The following RAB2A variants were observed in gnomAD, a reference collection of about 807,000 sequenced individuals.
RAB2A encodes RAB2A, member RAS oncogene family, also known as ras-related protein Rab-2A.
A neutral mutation model predicts 32.5 loss-of-function variants in RAB2A; 7 were observed. The observed-to-expected ratio is 0.22, with a 90% confidence interval of 0.12 to 0.40. The LOEUF is 0.40. RAB2A is among the 10% of genes least tolerant of loss of function. RAB2A has a pLI of 1.00. For missense variants in RAB2A, 108 were observed against 260.7 expected (o/e 0.41, Z 4.03); for synonymous variants, 79 against 85.2 (o/e 0.93, Z 0.40).
chr8:60,603,864 A>G (rs1475993614), intron 6 of RAB2A, among the ~76,000 whole-genome samples: 1 of 152,210 alleles, frequency 6.6e-6, no homozygotes, highest in African/African-American at 2.4e-5. Flanking sequence ...CTATTTAAAA[A>G]GACAGAAAGA....
intron 1 of RAB2A, among the ~76,000 whole-genome samples, chr8:60,549,629 G>A (rs1199586681): frequency 6.6e-6 from 1 of 152,086 alleles, no homozygotes; most frequent in Non-Finnish European, 1.5e-5. Flanking sequence ...GATGTGCACA[G>A]GCCTTGTTCT....
At chr8:60,603,572 A>G (rs1424197359) in intron 6 of RAB2A, among the ~76,000 whole-genome samples, 1 of 152,260 alleles carries the variant, frequency 6.6e-6, no homozygotes, top group Non-Finnish European at 1.5e-5. Flanking sequence ...ACACAGAATT[A>G]TCTCGTCCAA....
At chr8:60,547,197 G>T (rs1053070607) in intron 1 of RAB2A, among the ~76,000 whole-genome samples, 1 of 152,016 alleles carries the variant, frequency 6.6e-6, no homozygotes, top group African/African-American at 2.4e-5. Flanking sequence ...ATGTTTCAGA[G>T]AACACAGGGT....
intron 1 of RAB2A, among the ~76,000 whole-genome samples, chr8:60,527,439 A>G (rs967119325): frequency 3.9e-5 from 6 of 152,196 alleles, no homozygotes; most frequent in Non-Finnish European, 7.3e-5. Context: ...GAAAATTACA[A>G]TCATGGCAGA....
At chr8:60,597,385 T>C (rs534723984) in intron 6 of RAB2A, among the ~76,000 whole-genome samples, 131 of 151,012 alleles carry the variant, frequency 8.7e-4, no homozygotes, top group African/African-American at 3.0e-3. Flanking sequence ...TAAGTGGGAG[T>C]TGAATAATGA....
Position 60,596,165 on chromosome 8 carries a change from T to C in RAB2A, c.474+4196T>C, listed in dbSNP as rs139712155. 4.9e-3 allele frequency among the ~76,000 whole-genome samples: 750 copies of C among 152,320 alleles called. 7 individuals carry two copies. Among genetic ancestry groups the C allele is most frequent in the African/African-American group, 0.017 (697 of 41,588 alleles). ...AATTAACTCAAGATGGATTAGAGAT[T>C]TAAACATAAGACCTAAAACCATAAA... On this transcript the variant is annotated intron_variant, in intron 6 of 7. Coordinates refer to ENST00000262646, the MANE Select transcript of RAB2A (RefSeq NM_002865.3).
At chr8:60,602,723 C>T (rs1804154609) in intron 6 of RAB2A, among the ~76,000 whole-genome samples, 1 of 152,158 alleles carries the variant, frequency 6.6e-6, no homozygotes, top group Non-Finnish European at 1.5e-5. Flanking sequence ...GCATGCATGG[C>T]CCATTGATTC....
chr8:60,566,409 A>G (rs971094208), intron 2 of RAB2A, among the ~76,000 whole-genome samples: 3 of 152,046 alleles, frequency 2.0e-5, no homozygotes, highest in African/African-American at 7.2e-5. Context: ...TACTTGTTAT[A>G]TATCTTTGTC....
intron 1 of RAB2A, among the ~76,000 whole-genome samples, chr8:60,556,328 A>G (rs1244833849): frequency 6.6e-6 from 1 of 152,182 alleles, no homozygotes; most frequent in Non-Finnish European, 1.5e-5. Flanking sequence ...AATTTCTTGT[A>G]TATTTTCAAA....
At chr8:60,568,281 C>CT (rs1168088961) in intron 2 of RAB2A, among the ~76,000 whole-genome samples, 7 of 152,242 alleles carry the variant, frequency 4.6e-5, no homozygotes, top group African/African-American at 1.4e-4. Context: ...ATGCCCCAGC[C>CT]TTACCTAGGT....
chr8:60,558,320 G>T (rs559880905), intron 1 of RAB2A: 6 of 444,830 alleles, frequency 1.3e-5, no homozygotes, highest in Admixed American at 7.9e-5. Flanking sequence ...ATTCATGACC[G>T]TAACGGGGTC....
At chr8:60,616,102 A>G (rs1804443337) in intron 6 of RAB2A, among the ~76,000 whole-genome samples, 2 of 152,300 alleles carry the variant, frequency 1.3e-5, no homozygotes, top group Non-Finnish European at 2.9e-5. Flanking sequence ...TGCCTTTCAG[A>G]TAAAAAAATA....
intron 6 of RAB2A, among the ~76,000 whole-genome samples, chr8:60,612,824 C>T (rs929030942): frequency 6.6e-6 from 1 of 152,150 alleles, no homozygotes; most frequent in African/African-American, 2.4e-5. Context: ...ACTGGTGATG[C>T]TATAGAAAGA....
intron 6 of RAB2A, among the ~76,000 whole-genome samples, chr8:60,594,316 A>T (rs780681501): frequency 3.3e-5 from 5 of 152,200 alleles, no homozygotes; most frequent in Non-Finnish European, 7.3e-5. Context: ...CCACATGATG[A>T]CGAACCTCTG....
intron 1 of RAB2A, among the ~76,000 whole-genome samples, chr8:60,519,347 T>G (rs1807265454): frequency 6.7e-6 from 1 of 148,562 alleles, no homozygotes; most frequent in Non-Finnish European, 1.5e-5. Context: ...CCCACCTTGC[T>G]TCTGCCATTG....
intron 6 of RAB2A, among the ~76,000 whole-genome samples, chr8:60,610,479 G>A (rs1335587804): frequency 1.3e-5 from 2 of 152,180 alleles, no homozygotes; most frequent in African/African-American, 4.8e-5. Flanking sequence ...GTAAACTGAA[G>A]GCTTTGTTTC....
At chr8:60,583,975 C>A in intron 3 of RAB2A, 1 of 365,788 alleles carries the variant, frequency 2.7e-6, no homozygotes, top group Non-Finnish European at 5.2e-6. Flanking sequence ...GTCTTGCGGG[C>A]TGGGGAGGTT....
chr8:60,553,833 C>T (rs1807894428), intron 1 of RAB2A, among the ~76,000 whole-genome samples: 1 of 152,098 alleles, frequency 6.6e-6, no homozygotes, highest in Admixed American at 6.5e-5. Flanking sequence ...ATTAGTTTTG[C>T]TTGGGGATTG....
At chr8:60,593,900 AAG>A (rs1390977226) in intron 6 of RAB2A, among the ~76,000 whole-genome samples, 3 of 147,044 alleles carry the variant, frequency 2.0e-5, no homozygotes, top group South Asian at 2.2e-4. Flanking sequence ...AGATAAAAAA[AAG>A]AACCAAATAG....
Sources: gnomAD v4.1 joint callset for allele counts (sites outside exome capture counted in the v4.1 genomes callset) on GRCh38, gnomAD v4.1.1 for gene constraint, MANE v1.5 for transcripts, NCBI Gene and HGNC (gene_info 2026-07-23, HGNC 2026-07-21) for gene names.